DNASE1: variants seen among roughly 807,000 people sequenced by gnomAD.
The protein encoded by DNASE1 is deoxyribonuclease 1, also known as deoxyribonuclease-1.
DNASE1 carries 40 observed loss-of-function variants against 33.9 expected under a neutral mutation model. That is an observed-to-expected ratio of 1.18 (90% CI 0.92 to 1.54). DNASE1 has a LOEUF of 1.54. DNASE1 is among the 40% of genes most tolerant of loss of function. The probability of loss-of-function intolerance (pLI) is 0.00; values close to 1 mark genes in which losing one functional copy is unlikely to be tolerated. For synonymous variants in DNASE1, 216 were observed against 160.0 expected (o/e 1.35, Z -2.64); for missense variants, 518 against 372.6 (o/e 1.39, Z -3.21).
chr16:3,635,573 T>G (rs1731781034), intron 1 of DNASE1, among the ~76,000 whole-genome samples: 1 of 152,092 alleles, frequency 6.6e-6, no homozygotes, highest in South Asian at 2.1e-4. Flanking sequence ...ATTTTCCTTC[T>G]TTCTCAAACA....
downstream of DNASE1, chr16:3,658,294 T>G: frequency 8.7e-7 from 1 of 1,149,180 alleles, no homozygotes; most frequent in Non-Finnish European, 1.3e-6. Flanking sequence ...TTTTTTTTTT[T>G]GAGACAGAGT....
chr16:3,640,291 C>G (rs1366182080), upstream of DNASE1, among the ~76,000 whole-genome samples: 2 of 152,206 alleles, frequency 1.3e-5, no homozygotes, highest in African/African-American at 4.8e-5. Flanking sequence ...TCTGCAGATC[C>G]TGGCTCTGCC....
chr16:3,621,572 A>C (rs1296649008), intron 1 of DNASE1, among the ~76,000 whole-genome samples: 1 of 152,150 alleles, frequency 6.6e-6, no homozygotes, highest in East Asian at 1.9e-4. Flanking sequence ...CTTTTCCCCA[A>C]TGTAAATAAA....
chr16:3,619,108 C>T (rs1048198476), intron 1 of DNASE1, among the ~76,000 whole-genome samples: 6 of 151,884 alleles, frequency 4.0e-5, no homozygotes. Context: ...AATCTCAGCT[C>T]ACTGCAACCT....
chr16:3,634,903 G>T (rs1056429726), intron 1 of DNASE1, among the ~76,000 whole-genome samples: 4 of 152,128 alleles, frequency 2.6e-5, no homozygotes, highest in Admixed American at 1.3e-4. Flanking sequence ...TCCCATGACT[G>T]ATCAGTACAG....
At chr16:3,632,721 G>A (rs2041738138) in intron 1 of DNASE1, among the ~76,000 whole-genome samples, 1 of 152,012 alleles carries the variant, frequency 6.6e-6, no homozygotes, top group South Asian at 2.1e-4. Flanking sequence ...AAGTAGCTGA[G>A]ATTACAGGCA....
intron 1 of DNASE1, among the ~76,000 whole-genome samples, chr16:3,626,090 ACT>A (rs901958759): frequency 3.3e-5 from 5 of 151,982 alleles, no homozygotes; most frequent in African/African-American, 1.2e-4. Flanking sequence ...GCAGAGCAAG[ACT>A]CTATCTCAAA....
chr16:3,659,449 C>G (rs1200202910), downstream of DNASE1: 1 of 152,140 alleles, frequency 6.6e-6, no homozygotes, highest in Admixed American at 6.6e-5. Context: ...GTTTCATCAT[C>G]TCAGAAGGGG....
In DNASE1 at chr16:3,655,816, C is replaced by G. The variant is rs1403533418; in HGVS notation, c.148-33C>G. 3.1e-6 allele frequency: 5 copies of G among 1,610,788 alleles called. No homozygotes were observed. The East Asian group carries it at 1.1e-4, about 36-fold the overall frequency. Reference sequence around the variant, plus strand: ...CTGTAGGGTCCCTGGGTGGCACCAGCCCTGCTCAGCACCACTGTGGCCCTG... The same window carrying G: ...CTGTAGGGTCCCTGGGTGGCACCAGGCCTGCTCAGCACCACTGTGGCCCTG... On this transcript the variant is annotated intron_variant, in intron 2 of 8. Transcript: ENST00000246949.
In DNASE1 at chr16:3,633,818, TA is replaced by T. The variant is rs1366153297; in HGVS notation, c.-1358-6896del. Among the ~76,000 whole-genome samples the T allele has an allele frequency of 7.9e-5, 12 of 152,204 alleles. No individual in the cohort carries two copies. In the South Asian group the frequency reaches 1.5e-3, roughly 18 times the overall value. The stretch of plus-strand genomic sequence containing the variant: ...AAAGCGAAATTATTATTTTTATTAT[TA>T]TTTTTTTAAGACCGAGTCTCGCTCT... On this transcript the variant is annotated intron_variant and NMD_transcript_variant, in intron 1 of 11. Transcript: ENST00000570769.
chr16:3,656,337 G>A lies in DNASE1; in HGVS notation c.320+152G>A, dbSNP rs111992419. ...TGGAGTGAAAACACCCCAAGGTCCCGGACCAATGGGTTGAGCAGGTGCCTG... is the reference window on the plus strand; with the variant it reads ...TGGAGTGAAAACACCCCAAGGTCCCAGACCAATGGGTTGAGCAGGTGCCTG... On this transcript the variant is annotated intron_variant, in intron 4 of 8. Transcript: ENST00000246949. 1.4e-4 allele frequency: 116 copies of A among 837,408 alleles called. 2 individuals carry two copies. Among genetic ancestry groups the A allele is most frequent in the African/African-American group, 1.1e-3 (64 of 60,020 alleles). The allele number at this position is 837,408 out of a possible 1,614,324, so 51.9% of individuals were successfully genotyped here.
At chr16:3,648,378 T>A (rs918006819) in intron 1 of DNASE1, among the ~76,000 whole-genome samples, 1 of 152,104 alleles carries the variant, frequency 6.6e-6, no homozygotes, top group African/African-American at 2.4e-5. Context: ...CTGGCTAACA[T>A]GGTGAAATCC....
chr16:3,654,509 T>C (rs2042467506), upstream of DNASE1: 3 of 398,556 alleles, frequency 7.5e-6, no homozygotes, highest in South Asian at 1.3e-4. Flanking sequence ...CAAAGTGACC[T>C]TGGGGCCCCC....
At chr16:3,621,987 G>A (rs1432101707) in intron 1 of DNASE1, among the ~76,000 whole-genome samples, 2 of 152,162 alleles carry the variant, frequency 1.3e-5, no homozygotes, top group Non-Finnish European at 2.9e-5. Flanking sequence ...TTGGGAGACC[G>A]AGGCAGGTGG....
At chr16:3,661,016 A>T (rs1024573), downstream of DNASE1, 54,983 of 152,058 alleles carry the variant, frequency 0.36, 11,465 homozygotes, top group East Asian at 0.55. Context: ...TTTTGGTAAC[A>T]TGTTTATGTA....
chr16:3,631,120 T>TCTCCTGCCTC (rs1371815720), intron 1 of DNASE1, among the ~76,000 whole-genome samples: 48 of 151,948 alleles, frequency 3.2e-4, no homozygotes, highest in African/African-American at 1.1e-3. Context: ...CCTCCTGAGT[T>TCTCCTGCCTC]CAAGCGATTC....
upstream of DNASE1, among the ~76,000 whole-genome samples, chr16:3,638,439 G>A (rs11076782): frequency 0.16 from 24,040 of 152,064 alleles, 2,424 homozygotes; most frequent in South Asian, 0.31. Context: ...CAGGGTTCAC[G>A]CCATTCTCCT....
chr16:3,660,368 G>A (rs1003038498), downstream of DNASE1: 3 of 152,248 alleles, frequency 2.0e-5, no homozygotes, highest in African/African-American at 7.2e-5. Context: ...TGGGCACAGT[G>A]GCTCTCGCCT....
downstream of DNASE1, chr16:3,659,750 T>A (rs1176971658): frequency 2.5e-5 from 1 of 39,448 alleles, no homozygotes; most frequent in Non-Finnish European, 4.2e-5. Context: ...CTTTTTTTTT[T>A]AGATAGATAG....
Sources: gnomAD v4.1 joint callset for allele counts (sites outside exome capture counted in the v4.1 genomes callset) on GRCh38, gnomAD v4.1.1 for gene constraint, MANE v1.5 for transcripts, NCBI Gene and HGNC (gene_info 2026-07-23, HGNC 2026-07-21) for gene names.